The following AQP4 variants were observed in gnomAD, a reference collection of about 807,000 sequenced individuals.
The protein encoded by AQP4 is aquaporin-4.
In AQP4, 18 loss-of-function variants were observed where a neutral mutation model predicts 27.8. The ratio of observed to expected loss-of-function variants is 0.65; its 90% CI spans 0.45 to 0.96. The LOEUF (loss-of-function observed/expected upper bound fraction) is 0.96, where lower values mean the gene tolerates loss of function less well. AQP4 is among the 40% of genes least tolerant of loss of function. The pLI is 0.00. For missense variants in AQP4, 412 were observed against 408.2 expected (o/e 1.01, Z -0.08); for synonymous variants, 141 against 142.9 (o/e 0.99, Z 0.10).
At chr18:26,865,740 T>G, upstream of AQP4, 1 of 1,609,300 alleles carries the variant, frequency 6.2e-7, no homozygotes, top group Non-Finnish European at 8.5e-7. Context: ...CAGCTCCCTG[T>G]GTGCTGGGAG....
chr18:26,852,553 G>A lies in AQP4; in HGVS notation c.*3658C>T, dbSNP rs186735087. On this transcript the variant is annotated 3_prime_UTR_variant, in exon 5 of 5. Transcript: ENST00000383168. ...ATTTGCAAAGATGGCCACAATTTTT[G>A]ATCCTTGAATTAAATGTCTTTCATT... is the stretch of plus-strand genomic sequence containing the variant. 1 of 330,976 alleles carries A rather than the reference G, an allele frequency of 3.0e-6. No individual in the cohort carries two copies. The highest frequency in any genetic ancestry group is 2.1e-5 in the African/African-American group (1 of 47,504). 20.5% of individuals were successfully genotyped at this position (330,976 alleles called of 1,614,324 possible).
rs1172917897 is a variant in AQP4 at position 26,854,904 on chromosome 18, T to C, written c.*1307A>G. 1 of 152,234 alleles carries C rather than the reference T, an allele frequency of 6.6e-6. No individual in the cohort carries two copies. The highest frequency in any genetic ancestry group is 1.9e-4 in the East Asian group (1 of 5,194). 9.4% of individuals were successfully genotyped at this position (152,234 alleles called of 1,614,324 possible). A position where few individuals can be genotyped will look rare whatever the true frequency, so the allele number is the denominator to read the frequency against. On this transcript the variant is annotated 3_prime_UTR_variant, in exon 5 of 5. Coordinates refer to ENST00000383168, the MANE Select transcript of AQP4 (RefSeq NM_001650.7). ...AAGCAGGACAGAAAAACCAATTATT[T>C]TGACAAGTAAGTGAGTCAGTAACAA...
intron 1 of AQP4, among the ~76,000 whole-genome samples, chr18:26,865,038 CTT>C (rs58002791): frequency 3.9e-4 from 57 of 146,462 alleles, no homozygotes; most frequent in East Asian, 6.0e-4. Context: ...ATGTTTTTAG[CTT>C]TTTTTTTTTT....
At chr18:26,864,751 C>G (rs1412675028) in intron 1 of AQP4, among the ~76,000 whole-genome samples, 2 of 152,010 alleles carry the variant, frequency 1.3e-5, no homozygotes, top group African/African-American at 2.4e-5. Context: ...AGGAGGAGGA[C>G]AAAACAGTAG....
rs957857361 is a variant in AQP4, at chr18:26,862,216, G to T, written c.413C>A (p.Pro138His). 3 of 1,614,158 alleles carry T rather than the reference G, an allele frequency of 1.9e-6. No homozygotes were observed. The highest frequency in any genetic ancestry group is 2.5e-6 in the Non-Finnish European group (3 of 1,180,036). The change falls in exon 2 of 5, where the codon CCT (proline) becomes CAT (histidine). Residue 138 changes from proline to histidine, a missense_variant. Coordinates refer to ENST00000383168, the MANE Select transcript of AQP4 (RefSeq NM_001650.7). ...TCCCAGGCCTCCCACCACACTGGGA[G>T]GTGTGACCAGATAGAGGATTCCTGC... ...IGAGILYLVTPPSVVGGLGVT... is the reference protein window; with the variant it reads ...IGAGILYLVTHPSVVGGLGVT...
chr18:26,864,411 G>C lies in AQP4; in HGVS notation c.32+1247C>G, dbSNP rs969880755. 2.0e-5 allele frequency among the ~76,000 whole-genome samples: 3 copies of C among 152,122 alleles called. No homozygotes were observed. The East Asian group carries it at 5.8e-4, about 29-fold the overall frequency. On this transcript the variant is annotated intron_variant, in intron 1 of 4. Transcript: ENST00000383168. ...TAAAGGAAGAGCTGGCTCCACAGGG[G>C]GGTGGCCAGCCACATCCCACGCATC...
chr18:26,863,994 TGGG>T (rs56027623), intron 1 of AQP4, among the ~76,000 whole-genome samples: 13,643 of 146,106 alleles, frequency 0.093, 810 homozygotes, highest in Non-Finnish European at 0.13. Flanking sequence ...ATTCCCCTTT[TGGG>T]GGGGGGGGGC....
chr18:26,864,740 AAGG>A (rs2055025534), intron 1 of AQP4, among the ~76,000 whole-genome samples: 2 of 152,078 alleles, frequency 1.3e-5, no homozygotes, highest in African/African-American at 4.8e-5. Flanking sequence ...GTTAGGGGAG[AAGG>A]AGGAGGACAA....
Position 26,852,858 on chromosome 18 carries a change from T to G in AQP4, c.*3353A>C. On this transcript the variant is annotated 3_prime_UTR_variant, in exon 5 of 5. Coordinates refer to ENST00000383168, the MANE Select transcript of AQP4 (RefSeq NM_001650.7). ...ATAAGGTTGTCTGTGCCCCCCAGAC[T>G]TCCATCTTCAGTTGCCACAAAGGCA... The G allele has an allele frequency of 2.5e-6, 1 of 398,574 alleles. No homozygotes were observed. Among genetic ancestry groups the G allele is most frequent in the Non-Finnish European group, 4.4e-6 (1 of 226,018 alleles). 24.7% of individuals were successfully genotyped at this position (398,574 alleles called of 1,614,324 possible).
chr18:26,865,046 T>C (rs1026055965), intron 1 of AQP4, among the ~76,000 whole-genome samples: 1 of 152,054 alleles, frequency 6.6e-6, no homozygotes, highest in African/African-American at 2.4e-5. Context: ...AGCTTTTTTT[T>C]TTTTTTAAAT....
At chr18:26,862,646 G>T (rs1387188887) in intron 1 of AQP4, 50 bp from the exon 2 acceptor site, 1 of 1,612,846 alleles carries the variant, frequency 6.2e-7, no homozygotes, top group Non-Finnish European at 8.5e-7. Context: ...CCAGGTTTAT[G>T]AATTTAGGTG....
chr18:26,854,402 C>T lies in AQP4; in HGVS notation c.*1809G>A, dbSNP rs1434403290. The T allele has an allele frequency of 6.6e-6, 1 of 152,228 alleles. No homozygotes were observed. The highest frequency in any genetic ancestry group is 1.5e-5 in the Non-Finnish European group (1 of 68,028). The allele number at this position is 152,228 out of a possible 1,614,324, so 9.4% of individuals were successfully genotyped here. ...AAACCATCTTTGGGAGATTTGTACCCTAGTTTCTATAGGTGCCGTCCCAGC... is the reference window on the plus strand; with the variant it reads ...AAACCATCTTTGGGAGATTTGTACCTTAGTTTCTATAGGTGCCGTCCCAGC... On this transcript the variant is annotated 3_prime_UTR_variant, in exon 5 of 5. Transcript: ENST00000383168.
chr18:26,862,712 TTTGCACACCAAGAAAG>T, intron 1 of AQP4, 116 bp from the exon 2 acceptor site: 2 of 1,349,518 alleles, frequency 1.5e-6, no homozygotes, highest in South Asian at 2.4e-5. Flanking sequence ...CCAGGCGTGA[TTTGCACACCAAGAAAG>T]AATGCTTCTG....
At chr18:26,858,412 C>G (rs902055484) in intron 4 of AQP4, among the ~76,000 whole-genome samples, 5 of 152,122 alleles carry the variant, frequency 3.3e-5, no homozygotes, top group Admixed American at 6.5e-5. Context: ...TTTAAAACAC[C>G]CTCTGCAAAT....
intron 2 of AQP4, 29 bp downstream of exon 2, chr18:26,862,153 C>T (rs746763947): frequency 1.1e-5 from 18 of 1,612,698 alleles, no homozygotes; most frequent in Non-Finnish European, 1.5e-5. Flanking sequence ...AGCTTGGAGT[C>T]CTAGTTTGAA....
Position 26,865,652 on chromosome 18 carries a change from AC to A in AQP4, c.32+5del. 1 of 1,614,178 alleles carries A rather than the reference AC, an allele frequency of 6.2e-7. No individual in the cohort carries two copies. The highest frequency in any genetic ancestry group is 8.5e-7 in the Non-Finnish European group (1 of 1,180,030). ...CGTTGTTCCCTTAAGGCAAAGAAGGACTTACCCCCACCGCCTTGCTGTGGGT... is the reference window on the plus strand; with the variant it reads ...CGTTGTTCCCTTAAGGCAAAGAAGGATTACCCCCACCGCCTTGCTGTGGGT... On this transcript the variant is annotated splice_donor_5th_base_variant and intron_variant, in intron 1 of 4. Transcript: ENST00000383168.
Position 26,862,380 on chromosome 18 carries a change from G to A in AQP4, c.249C>T (p.Thr83=). 2 of 1,614,220 alleles carry A rather than the reference G, an allele frequency of 1.2e-6. No homozygotes were observed. Among genetic ancestry groups the A allele is most frequent in the Non-Finnish European group, 8.5e-7 (1 of 1,180,042 alleles). The change falls in exon 2 of 5, where the codon ACC becomes ACT. Residue 83 remains threonine, a synonymous_variant. Transcript: ENST00000383168. Reference sequence around the variant, plus strand: ...TGATATGGCCAAAGCACTGCACCATGGTTGCAATGCTGAGTCCAAAGCAAA... The same window carrying A: ...TGATATGGCCAAAGCACTGCACCATAGTTGCAATGCTGAGTCCAAAGCAAA... ...ISLCFGLSIA[T]MVQCFGHISG...
chr18:26,862,469 C>A lies in AQP4; in HGVS notation c.160G>T (p.Gly54Ter). ...GTTCCACCCCAGTTGATGGTGGATCCCAGGCTGAGGAGAACAAAAATAAGC... is the reference window on the plus strand; with the variant it reads ...GTTCCACCCCAGTTGATGGTGGATCACAGGCTGAGGAGAACAAAAATAAGC... ...AMLIFVLLSL[G>*]STINWGGTEK... is the part of the protein sequence containing the mutation. Residue 54 changes from glycine (G) to a stop codon, truncating the protein, a stop_gained, in exon 2 of 5, where the codon GGA becomes TGA. Coordinates refer to ENST00000383168, the MANE Select transcript of AQP4 (RefSeq NM_001650.7). LOFTEE classifies it high-confidence loss of function. 6.2e-7 allele frequency: 1 copy of A among 1,614,130 alleles called. No homozygotes were observed. Among genetic ancestry groups the A allele is most frequent in the Non-Finnish European group, 8.5e-7 (1 of 1,180,028 alleles).
rs72557968 is a variant in AQP4 at position 26,862,263 on chromosome 18, C to T, written c.366G>A (p.Gln122=). ...IAKSVFYIAA[Q]CLGAIIGAGI... ...CTGCTCCAATGATGGCCCCCAGGCACTGGGCTGCGATGTAGAAGACAGACT... is the reference window on the plus strand; with the variant it reads ...CTGCTCCAATGATGGCCCCCAGGCATTGGGCTGCGATGTAGAAGACAGACT... The change falls in exon 2 of 5, where the codon CAG becomes CAA. Residue 122 remains glutamine, a synonymous_variant. Transcript: ENST00000383168. 35,348 of 1,614,164 alleles carry T rather than the reference C, an allele frequency of 0.022. 706 individuals carry two copies. Among genetic ancestry groups the T allele is most frequent in the South Asian group, 0.091 (8,268 of 91,084 alleles).
Sources: gnomAD v4.1 joint callset for allele counts (sites outside exome capture counted in the v4.1 genomes callset) on GRCh38, gnomAD v4.1.1 for gene constraint, MANE v1.5 for transcripts, NCBI Gene and HGNC (gene_info 2026-07-23, HGNC 2026-07-21) for gene names.